The following CEPT1 variants were observed in gnomAD, a reference collection of about 807,000 sequenced individuals.
The protein encoded by CEPT1 is choline/ethanolaminephosphotransferase 1.
Under a neutral mutation model 42.6 loss-of-function variants are expected in CEPT1, and 7 were observed. That is an observed-to-expected ratio of 0.16 (90% CI 0.09 to 0.31). CEPT1 has a LOEUF of 0.31. Ranked by LOEUF, CEPT1 falls within the 10% of genes least tolerant of loss-of-function variation. The pLI is 1.00. For missense variants in CEPT1, 306 were observed against 502.1 expected, an observed-to-expected ratio of 0.61 and a Z score of 3.73; for synonymous variants, 171 against 171.9, an observed-to-expected ratio of 0.99 and a Z score of 0.04.
At chr1:111,140,198 TCCCCTTTAC>T, upstream of CEPT1, 1 of 152,342 alleles carries the variant, frequency 6.6e-6, no homozygotes, top group Non-Finnish European at 1.5e-5. Flanking sequence ...CAAACCTTGT[TCCCCTTTAC>T]GGCAATCGCG....
intron 2 of CEPT1, among the ~76,000 whole-genome samples, chr1:111,150,056 A>G (rs1313667872): frequency 6.6e-6 from 1 of 152,222 alleles, no homozygotes; most frequent in East Asian, 1.9e-4. Context: ...GCTAGGAGGA[A>G]TCAGAATATG....
rs972981780 is a variant in CEPT1 at position 111,185,024 on chromosome 1, C to T, written c.*714C>T. 2 of 152,064 alleles carry T rather than the reference C, an allele frequency of 1.3e-5. No individual in the cohort carries two copies. The highest frequency in any genetic ancestry group is 4.8e-5 in the African/African-American group (2 of 41,258). 9.4% of individuals were successfully genotyped at this position (152,064 alleles called of 1,614,324 possible). Reference sequence around the variant, plus strand: ...CAGTTTTACTCAGTGGAAAGATAAACTAAGTTTTAATGTTATTTTTTTAAA... The same window carrying T: ...CAGTTTTACTCAGTGGAAAGATAAATTAAGTTTTAATGTTATTTTTTTAAA... On this transcript the variant is annotated 3_prime_UTR_variant, in exon 9 of 9. Coordinates refer to ENST00000357172, the MANE Select transcript of CEPT1 (RefSeq NM_006090.5).
At chr1:111,177,515 A>G (rs1303676824) in intron 5 of CEPT1, among the ~76,000 whole-genome samples, 1 of 152,182 alleles carries the variant, frequency 6.6e-6, no homozygotes. Context: ...AATGCATAAA[A>G]CATTGTAAAT....
intron 1 of CEPT1, among the ~76,000 whole-genome samples, chr1:111,145,701 T>C (rs551015557): frequency 2.6e-5 from 4 of 152,218 alleles, no homozygotes; most frequent in Non-Finnish European, 5.9e-5. Context: ...CCTGGGTTCA[T>C]AGTCCTCTAG....
chr1:111,160,305 G>A (rs1055871912), intron 3 of CEPT1: 12 of 152,054 alleles, frequency 7.9e-5, no homozygotes, highest in African/African-American at 2.9e-4. Context: ...TTTCTGACAG[G>A]AACTCATCCC....
At position 111,158,514 on chromosome 1, in the gene CEPT1, A is replaced by G. The variant is rs12403179; in HGVS notation, c.340-866A>G. 6.9e-3 allele frequency among the ~76,000 whole-genome samples: 1,053 copies of G among 152,292 alleles called. 14 individuals are homozygous for G. Among genetic ancestry groups the G allele is most frequent in the African/African-American group, 0.021 (877 of 41,554 alleles). ...ATTTCCTAGTGTTATTTAATGGCCC[A>G]TTGAAGAGATGTTTAAAAATGTTAC... is the stretch of plus-strand genomic sequence containing the variant. On this transcript the variant is annotated intron_variant, in intron 2 of 8. Coordinates refer to ENST00000357172, the MANE Select transcript of CEPT1 (RefSeq NM_006090.5).
At chr1:111,154,604 A>G (rs1655461294) in intron 2 of CEPT1, among the ~76,000 whole-genome samples, 1 of 152,144 alleles carries the variant, frequency 6.6e-6, no homozygotes, top group Non-Finnish European at 1.5e-5. Context: ...CCCATTCAGT[A>G]TGATGTTAGC....
At chr1:111,179,861 A>G (rs943395650) in intron 5 of CEPT1, 1 of 152,206 alleles carries the variant, frequency 6.6e-6, no homozygotes, top group Non-Finnish European at 1.5e-5. Context: ...AGTGTACAAA[A>G]TCAATTCAAA....
At chr1:111,181,814 A>T (rs1657005668) in intron 5 of CEPT1, 1 of 154,118 alleles carries the variant, frequency 6.5e-6, no homozygotes. Context: ...ATTCAAAAAC[A>T]TATACAAGGA....
intron 6 of CEPT1, 75 bp from the exon 7 acceptor site, chr1:111,182,724 A>G: frequency 7.4e-7 from 1 of 1,353,944 alleles, no homozygotes; most frequent in South Asian, 1.5e-5. Context: ...TTGAACTGTG[A>G]ACTGTTCTGC....
At chr1:111,154,058 G>A (rs1655425767) in intron 2 of CEPT1, among the ~76,000 whole-genome samples, 1 of 151,834 alleles carries the variant, frequency 6.6e-6, no homozygotes, top group Non-Finnish European at 1.5e-5. Flanking sequence ...TGGCCATTTT[G>A]ACAATATTAA....
In CEPT1 at chr1:111,174,788, G is replaced by T. The variant is rs1440216234; in HGVS notation, c.630-91G>T. On this transcript the variant is annotated intron_variant, in intron 4 of 8. Coordinates refer to ENST00000357172, the MANE Select transcript of CEPT1 (RefSeq NM_006090.5). ...ATTTGAGATTTTTTTTTTCTATTGT[G>T]CATGATAGAGGAATGCTGCTAAGCT... 1.3e-5 allele frequency: 10 copies of T among 787,146 alleles called. No homozygotes were observed. In the Admixed American group the frequency reaches 1.7e-4, roughly 14 times the overall value. 48.8% of individuals were successfully genotyped at this position (787,146 alleles called of 1,614,324 possible).
At chr1:111,165,224 A>C (rs966168075) in intron 4 of CEPT1, among the ~76,000 whole-genome samples, 5 of 150,654 alleles carry the variant, frequency 3.3e-5, no homozygotes, top group African/African-American at 7.3e-5. Context: ...AATTTTTTGT[A>C]TTTTTAGTAG....
At chr1:111,144,806 G>C (rs755960058) in intron 1 of CEPT1, among the ~76,000 whole-genome samples, 9 of 152,070 alleles carry the variant, frequency 5.9e-5, no homozygotes, top group Admixed American at 4.6e-4. Context: ...ATCATTGCTC[G>C]ACTATAGAAA....
intron 2 of CEPT1, among the ~76,000 whole-genome samples, chr1:111,156,288 T>C (rs1655566619): frequency 6.6e-6 from 1 of 152,218 alleles, no homozygotes; most frequent in African/African-American, 2.4e-5. Context: ...AACGCAAATA[T>C]TTAAAAATTT....
At chr1:111,156,878 C>CT (rs1374430545) in intron 2 of CEPT1, among the ~76,000 whole-genome samples, 1 of 152,146 alleles carries the variant, frequency 6.6e-6, no homozygotes, top group East Asian at 1.9e-4. Context: ...CCTGAGTTGA[C>CT]TCATATAACA....
rs1464390573 is a variant in CEPT1 at position 111,159,537 on chromosome 1, A to G, written c.487+10A>G. 1 of 1,601,930 alleles carries G rather than the reference A, an allele frequency of 6.2e-7. No homozygotes were observed. Among genetic ancestry groups the G allele is most frequent in the Non-Finnish European group, 8.5e-7 (1 of 1,175,970 alleles). ...GATTCACTATCAACAGGTATTGTTG[A>G]TTTTTTTAATGTTATTGATTATTAA... On this transcript the variant is annotated intron_variant, in intron 3 of 8. Coordinates refer to ENST00000357172, the MANE Select transcript of CEPT1 (RefSeq NM_006090.5).
intron 1 of CEPT1, among the ~76,000 whole-genome samples, chr1:111,147,439 C>T (rs1215419123): frequency 6.6e-6 from 1 of 152,130 alleles, no homozygotes; most frequent in Non-Finnish European, 1.5e-5. Context: ...AAGTCTCTTA[C>T]TATTTTTTGC....
Position 111,183,502 on chromosome 1 carries a change from C to T in CEPT1, c.1046C>T (p.Thr349Ile). 1 of 1,613,702 alleles carries T rather than the reference C, an allele frequency of 6.2e-7. No homozygotes were observed. Residue 349 changes from threonine to isoleucine, a missense_variant, in exon 8 of 9, where the codon ACA becomes ATA. Physicochemically the swap from Thr to Ile is moderately conservative, Grantham distance 89. Transcript: ENST00000357172. ...AAAAGTGAAATGCATTTGCATGACA[C>T]AGCATTCATAGGTCCGGCACTTTTG... ...MTKSEMHLHD[T>I]AFIGPALLFL...
Sources: allele counts gnomAD v4.1 joint callset (sites outside exome capture counted in the v4.1 genomes callset), GRCh38; gene constraint gnomAD v4.1.1; transcripts MANE v1.5; gene names NCBI Gene and HGNC (gene_info 2026-07-23, HGNC 2026-07-21).